Variants in ETFB observed in about 807,000 individuals in gnomAD.
ETFB encodes the protein electron transfer flavoprotein subunit beta.
In ETFB, 20 loss-of-function variants were observed where a neutral mutation model predicts 25.6. That is an observed-to-expected ratio of 0.78 (90% CI 0.55 to 1.14). The LOEUF (loss-of-function observed/expected upper bound fraction) is 1.14. ETFB is among the 50% of genes most tolerant of loss of function. The probability of loss-of-function intolerance (pLI) is 0.00; values close to 1 mark genes in which losing one functional copy is unlikely to be tolerated. For missense variants in ETFB, 286 were observed against 342.6 expected, an observed-to-expected ratio of 0.83 and a Z score of 1.30; for synonymous variants, 142 against 146.7, an observed-to-expected ratio of 0.97 and a Z score of 0.23.
At chr19:51,354,358 G>C in intron 1 of ETFB, 50 bp from the exon 2 acceptor site, 6 of 1,613,858 alleles carry the variant, frequency 3.7e-6, no homozygotes, top group Non-Finnish European at 5.1e-6. Context: ...CAGGCAAGAA[G>C]GTGGGGGCCT....
At chr19:51,362,005 C>T (rs1986244565) in intron 1 of ETFB, among the ~76,000 whole-genome samples, 1 of 152,040 alleles carries the variant, frequency 6.6e-6, no homozygotes, top group Non-Finnish European at 1.5e-5. Context: ...CCCAGCCTTT[C>T]TCCTGGGGTC....
chr19:51,355,643 A>T lies in ETFB; in HGVS notation c.58-1335T>A, dbSNP rs1433342113. The T allele has an allele frequency of 2.0e-5, 3 of 152,118 alleles. No homozygotes were observed. In the South Asian group the frequency reaches 6.2e-4, roughly 31 times the overall value. 9.4% of individuals were successfully genotyped at this position (152,118 alleles called of 1,614,324 possible). Reference sequence around the variant, plus strand: ...TGCTGCTATAAAGACACATGCACACATATGTTTATTGCGGCACTATTCACA... The same window carrying T: ...TGCTGCTATAAAGACACATGCACACTTATGTTTATTGCGGCACTATTCACA... On this transcript the variant is annotated intron_variant, in intron 1 of 5. Coordinates refer to ENST00000309244, the MANE Select transcript of ETFB (RefSeq NM_001985.3).
intron 5 of ETFB, chr19:51,345,658 C>T: frequency 2.0e-6 from 1 of 508,938 alleles, no homozygotes; most frequent in East Asian, 3.7e-5. Flanking sequence ...AGTGGCAAAC[C>T]CATCCTTTTG....
chr19:51,350,208 G>T, intron 4 of ETFB, 121 bp downstream of exon 4: 5 of 1,104,866 alleles, frequency 4.5e-6, no homozygotes, highest in African/African-American at 1.5e-5. Flanking sequence ...AAGCCATGAG[G>T]CAATCCGAGG....
At chr19:51,363,859 C>A (rs997275537) in intron 1 of ETFB, among the ~76,000 whole-genome samples, 19 of 152,130 alleles carry the variant, frequency 1.2e-4, no homozygotes, top group African/African-American at 4.3e-4. Flanking sequence ...GGGCAAGCCG[C>A]GGCCTGGTCT....
At chr19:51,345,551 A>T in intron 5 of ETFB, 170 bp from the exon 6 acceptor site, 2 of 693,316 alleles carry the variant, frequency 2.9e-6, no homozygotes, top group Non-Finnish European at 5.1e-6. Context: ...CCTGGTGTGG[A>T]CAACTCCTGC....
In ETFB at chr19:51,354,432, T is replaced by C. The variant is rs1568468259; in HGVS notation, c.58-124A>G. On this transcript the variant is annotated intron_variant, in intron 1 of 5. Transcript: ENST00000309244. Reference sequence around the variant, plus strand: ...CAGCCTGGAAAGGGGCAGGGCCTTGTCCGGGGTCACACAGCTCCAGGGACA... The same window carrying C: ...CAGCCTGGAAAGGGGCAGGGCCTTGCCCGGGGTCACACAGCTCCAGGGACA... 4 of 1,614,030 alleles carry C rather than the reference T, an allele frequency of 2.5e-6. No individual in the cohort carries two copies. In the Admixed American group the frequency reaches 6.7e-5, roughly 27 times the overall value.
intron 2 of ETFB, 102 bp from the exon 3 acceptor site, chr19:51,353,392 A>C: frequency 2.1e-6 from 2 of 959,042 alleles, no homozygotes; most frequent in African/African-American, 2.0e-5. Flanking sequence ...CCAGGGCCCC[A>C]TCCCCTCCTT....
At chr19:51,349,975 C>T (rs973858452) in intron 4 of ETFB, among the ~76,000 whole-genome samples, 7 of 152,122 alleles carry the variant, frequency 4.6e-5, no homozygotes, top group African/African-American at 1.7e-4. Flanking sequence ...TCAAACTCCT[C>T]CTGACCTCAA....
chr19:51,345,461 G>T, intron 5 of ETFB, 80 bp from the exon 6 acceptor site: 2 of 1,428,298 alleles, frequency 1.4e-6, no homozygotes, highest in Non-Finnish European at 9.8e-7. Flanking sequence ...TGGGTGCCAG[G>T]CCTGCAGACC....
intron 1 of ETFB, chr19:51,354,580 C>A (rs201015794): frequency 6.2e-7 from 1 of 1,614,172 alleles, no homozygotes; most frequent in East Asian, 2.2e-5. Context: ...TCCTCTCAGG[C>A]CTGAAAGAGT....
At chr19:51,364,718 C>T (rs1986309779) in intron 1 of ETFB, among the ~76,000 whole-genome samples, 1 of 152,222 alleles carries the variant, frequency 6.6e-6, no homozygotes, top group African/African-American at 2.4e-5. Flanking sequence ...AAAAGGGCTA[C>T]AGGTGACATC....
chr19:51,357,258 G>C (rs1264951572), intron 1 of ETFB, among the ~76,000 whole-genome samples: 1 of 151,016 alleles, frequency 6.6e-6, no homozygotes, highest in Non-Finnish European at 1.5e-5. Flanking sequence ...ATTTTTAGTA[G>C]AGACAGGGTT....
At chr19:51,359,673 A>G (rs1217801512) in intron 1 of ETFB, among the ~76,000 whole-genome samples, 1 of 152,214 alleles carries the variant, frequency 6.6e-6, no homozygotes, top group Non-Finnish European at 1.5e-5. Flanking sequence ...CTTCAAAAAC[A>G]GTTTAGTTAT....
At chr19:51,354,434 C>A in intron 1 of ETFB, 126 bp from the exon 2 acceptor site, 1 of 1,613,920 alleles carries the variant, frequency 6.2e-7, no homozygotes, top group Non-Finnish European at 8.5e-7. Flanking sequence ...GGGCCTTGTC[C>A]GGGGTCACAC....
chr19:51,356,116 A>T (rs1428373505), intron 1 of ETFB: 3 of 148,466 alleles, frequency 2.0e-5, no homozygotes, highest in African/African-American at 7.8e-5. Flanking sequence ...TAAATAAATA[A>T]TTTTTTAAAA....
At chr19:51,351,981 C>T (rs1196682544) in intron 3 of ETFB, among the ~76,000 whole-genome samples, 2 of 152,046 alleles carry the variant, frequency 1.3e-5, no homozygotes, top group Non-Finnish European at 1.5e-5. Context: ...TTCTGACGTC[C>T]CTCTTCTGCC....
intron 1 of ETFB, chr19:51,361,747 C>T (rs1232321415): frequency 7.0e-6 from 1 of 142,808 alleles, no homozygotes; most frequent in Admixed American, 7.2e-5. Flanking sequence ...CTCTGTCACC[C>T]AGGCTGGAGT....
intron 3 of ETFB, 120 bp from the exon 4 acceptor site, chr19:51,350,511 G>A: frequency 1.5e-6 from 1 of 652,638 alleles, no homozygotes; most frequent in South Asian, 1.5e-5. Flanking sequence ...TTGAGACGGA[G>A]TCTTGCTCTG....
Sources: allele counts gnomAD v4.1 joint callset (sites outside exome capture counted in the v4.1 genomes callset), GRCh38; gene constraint gnomAD v4.1.1; transcripts MANE v1.5; gene names NCBI Gene and HGNC (gene_info 2026-07-23, HGNC 2026-07-21).